The following AGAP1 variants were observed in gnomAD, a reference collection of about 807,000 sequenced individuals.
AGAP1 encodes the protein arf-GAP with GTPase, ANK repeat and PH domain-containing protein 1.
Under a neutral mutation model 105.3 loss-of-function variants are expected in AGAP1, and 29 were observed. The ratio of observed to expected loss-of-function variants is 0.28; its 90% CI spans 0.21 to 0.38. AGAP1 has a LOEUF of 0.38. Among genes scored for constraint, AGAP1 ranks in the 10% least tolerant of loss-of-function variants. The probability of loss-of-function intolerance (pLI) is 1.00; values close to 1 mark genes in which losing one functional copy is unlikely to be tolerated. For missense variants in AGAP1, 998 were observed against 1,165.1 expected (o/e 0.86, Z 2.09); for synonymous variants, 509 against 485.9 (o/e 1.05, Z -0.63).
chr2:236,051,598 C>T lies in AGAP1; in HGVS notation c.2114+2317C>T, dbSNP rs1054246512. Reference sequence around the variant, plus strand: ...CTGTCGGCGAGTACAGCACCGTGGACGGGAGCCTCCCATGAATGAGGAGGA... The same window carrying T: ...CTGTCGGCGAGTACAGCACCGTGGATGGGAGCCTCCCATGAATGAGGAGGA... On this transcript the variant is annotated intron_variant, in intron 16 of 17. Transcript: ENST00000304032. The surrounding 1 kb of genome is among the most constrained non-coding windows in gnomAD (Gnocchi z 5.9). 1.3e-5 allele frequency among the ~76,000 whole-genome samples: 2 copies of T among 151,906 alleles called. No individual in the cohort carries two copies. Among genetic ancestry groups the T allele is most frequent in the Admixed American group, 6.6e-5 (1 of 15,260 alleles).
At chr2:235,533,899 C>T (rs1943124857) in intron 1 of AGAP1, among the ~76,000 whole-genome samples, 1 of 152,232 alleles carries the variant, frequency 6.6e-6, no homozygotes, top group South Asian at 2.1e-4. Context: ...TGGACAAGCG[C>T]TTGCTGCTTA....
rs1204810218 is a variant in AGAP1, at chr2:235,564,761, TG to T, written c.163+69913del. On this transcript the variant is annotated intron_variant, in intron 1 of 17. Coordinates refer to ENST00000304032, the MANE Select transcript of AGAP1 (RefSeq NM_001037131.3). ...CTGGACCAGCACCCAGGGCCAGGTG[TG>T]AGCCTGGACCAGCACCCACGGCCAG... Among the ~76,000 whole-genome samples, 1,000 of 140,348 alleles carry T rather than the reference TG, an allele frequency of 7.1e-3. 52 individuals carry two copies. Among genetic ancestry groups the T allele is most frequent in the African/African-American group, 0.026 (940 of 36,034 alleles). The allele number at this position is 140,348 out of a possible 152,430, so 92.1% of individuals were successfully genotyped here.
intron 6 of AGAP1, among the ~76,000 whole-genome samples, chr2:235,784,307 A>G (rs577920043): frequency 3.3e-5 from 5 of 152,206 alleles, no homozygotes; most frequent in African/African-American, 9.6e-5. Context: ...AAAGGCATAC[A>G]TGATTCTTTG....
intron 1 of AGAP1, among the ~76,000 whole-genome samples, chr2:235,653,819 G>A (rs1294446031): frequency 6.6e-6 from 1 of 152,210 alleles, no homozygotes; most frequent in Non-Finnish European, 1.5e-5. Context: ...CACTTTGGAT[G>A]GCCGAGGCAG....
intron 12 of AGAP1, among the ~76,000 whole-genome samples, chr2:235,948,777 A>G (rs373465237): frequency 6.6e-6 from 1 of 152,102 alleles, no homozygotes; most frequent in Admixed American, 6.5e-5. Flanking sequence ...TGAGAATGCT[A>G]GGATCCTGGC....
Position 235,919,709 on chromosome 2 carries a change from AAC to A in AGAP1, c.1324+10818_1324+10819del, listed in dbSNP as rs374754076. ...AAATGAAAATGAATTTCATGTTAAA[AAC>A]ACACACACACACACCTGTTGCATTT... On this transcript the variant is annotated intron_variant, in intron 11 of 17. Coordinates refer to ENST00000304032, the MANE Select transcript of AGAP1 (RefSeq NM_001037131.3). This position sits in a 1 kb window ranked among gnomAD's most constrained non-coding sequence, Gnocchi z 4.1. Among the ~76,000 whole-genome samples the A allele has an allele frequency of 6.6e-6, 1 of 151,896 alleles. No individual in the cohort carries two copies. The highest frequency in any genetic ancestry group is 1.9e-4 in the East Asian group (1 of 5,188).
intron 1 of AGAP1, among the ~76,000 whole-genome samples, chr2:235,509,260 T>C (rs1350845708): frequency 6.6e-6 from 1 of 152,212 alleles, no homozygotes. Context: ...GGAGTCTGGC[T>C]CTGTCACCCA....
In AGAP1 at chr2:235,659,516, C is replaced by CAA. The variant is rs1365547380; in HGVS notation, c.164-49662_164-49661insAA. On this transcript the variant is annotated intron_variant, in intron 1 of 17. Coordinates refer to ENST00000304032, the MANE Select transcript of AGAP1 (RefSeq NM_001037131.3). This position sits in a 1 kb window ranked among gnomAD's most constrained non-coding sequence, Gnocchi z 5.0. ...TGGCAGTCAGGGTGCTATATGAACA[C>CAA]ATGTTTTGTGGGTCACTTGCCAGGC... is the stretch of plus-strand genomic sequence containing the variant. Among the ~76,000 whole-genome samples, 1 of 152,162 alleles carries CAA rather than the reference C, an allele frequency of 6.6e-6. No individual in the cohort carries two copies. Among genetic ancestry groups the CAA allele is most frequent in the African/African-American group, 2.4e-5 (1 of 41,430 alleles).
intron 13 of AGAP1, among the ~76,000 whole-genome samples, chr2:235,986,386 T>C (rs907062654): frequency 6.6e-6 from 1 of 152,092 alleles, no homozygotes; most frequent in African/African-American, 2.4e-5. Flanking sequence ...GATGATGGGG[T>C]TTTCTCAATA....
chr2:236,107,357 T>C (rs2059524990), intron 16 of AGAP1, among the ~76,000 whole-genome samples: 1 of 152,212 alleles, frequency 6.6e-6, no homozygotes, highest in African/African-American at 2.4e-5. Context: ...CTGGGTTCAC[T>C]AGCTAGCCTC....
At chr2:236,052,386 A>G (rs529800469) in intron 16 of AGAP1, among the ~76,000 whole-genome samples, 6 of 152,078 alleles carry the variant, frequency 3.9e-5, no homozygotes, top group Non-Finnish European at 8.8e-5. Context: ...TCTTCCTCCA[A>G]AGAGACCGCC....
intron 9 of AGAP1, among the ~76,000 whole-genome samples, chr2:235,873,144 G>T (rs1294895615): frequency 6.6e-6 from 1 of 152,236 alleles, no homozygotes; most frequent in Non-Finnish European, 1.5e-5. Context: ...AAACATTTTT[G>T]TAGCAGATTC....
intron 16 of AGAP1, among the ~76,000 whole-genome samples, chr2:236,079,806 T>C (rs943565987): frequency 3.3e-5 from 5 of 152,154 alleles, no homozygotes; most frequent in African/African-American, 1.2e-4. Context: ...CCCAATATGC[T>C]AACATGTATT....
At position 235,681,164 on chromosome 2, in the gene AGAP1, A is replaced by G. The variant is rs544705331; in HGVS notation, c.164-28015A>G. Among the ~76,000 whole-genome samples, 10 of 152,186 alleles carry G rather than the reference A, an allele frequency of 6.6e-5. No homozygotes were observed. In the South Asian group the frequency reaches 2.1e-3, roughly 32 times the overall value. On this transcript the variant is annotated intron_variant, in intron 1 of 17. Coordinates refer to ENST00000304032, the MANE Select transcript of AGAP1 (RefSeq NM_001037131.3). The stretch of plus-strand genomic sequence containing the variant: ...GCTGGGAATACAGGTGCCCACCACC[A>G]TGCCCAGCTAATTTTTTTGTATTTT...
At position 235,919,928 on chromosome 2, in the gene AGAP1, C is replaced by A. The variant is rs773667228; in HGVS notation, c.1325-10837C>A. 2.6e-5 allele frequency among the ~76,000 whole-genome samples: 4 copies of A among 152,180 alleles called. No individual in the cohort carries two copies. Among genetic ancestry groups the A allele is most frequent in the Admixed American group, 2.6e-4 (4 of 15,284 alleles). ...GTGGCCAAGACAAGCCGTACGATGG[C>A]GCTCTCCATAAACACTGTCGGAATC... On this transcript the variant is annotated intron_variant, in intron 11 of 17. Transcript: ENST00000304032. This position sits in a 1 kb window ranked among gnomAD's most constrained non-coding sequence, Gnocchi z 4.1.
At chr2:235,580,480 G>T (rs1461517153) in intron 1 of AGAP1, among the ~76,000 whole-genome samples, 1 of 152,000 alleles carries the variant, frequency 6.6e-6, no homozygotes, top group Non-Finnish European at 1.5e-5. Context: ...GTTGGGGAGG[G>T]TGCGCTTTCT....
At chr2:236,048,689 A>T (rs2057801374) in intron 15 of AGAP1, among the ~76,000 whole-genome samples, 1 of 152,236 alleles carries the variant, frequency 6.6e-6, no homozygotes, top group Non-Finnish European at 1.5e-5. Context: ...TCTCAGCAGC[A>T]GCTGTCCACA....
In AGAP1 at chr2:235,792,169, C is replaced by T. The variant is rs577308764; in HGVS notation, c.674-5590C>T. Among the ~76,000 whole-genome samples the T allele has an allele frequency of 2.0e-5, 3 of 152,294 alleles. No individual in the cohort carries two copies. Among genetic ancestry groups the T allele is most frequent in the South Asian group, 2.1e-4 (1 of 4,818 alleles). On this transcript the variant is annotated intron_variant, in intron 6 of 17. Coordinates refer to ENST00000304032, the MANE Select transcript of AGAP1 (RefSeq NM_001037131.3). The surrounding 1 kb of genome is among the most constrained non-coding windows in gnomAD (Gnocchi z 5.3). ...GTAGCAGAGGAACCCTCTTCCCAAA[C>T]GTGGGCTTGATTTACACCGAGTCAT... is the stretch of plus-strand genomic sequence containing the variant.
chr2:235,828,487 T>TA (rs1559535845), intron 9 of AGAP1, among the ~76,000 whole-genome samples: 2 of 152,132 alleles, frequency 1.3e-5, no homozygotes, highest in Non-Finnish European at 2.9e-5. Context: ...AACTAACACT[T>TA]ATGCATTGTA....
Sources: gnomAD v4.1 joint callset for allele counts (sites outside exome capture counted in the v4.1 genomes callset) on GRCh38, gnomAD v4.1.1 for gene constraint, Gnocchi (gnomAD v3.1) non-coding constraint, MANE v1.5 for transcripts, NCBI Gene and HGNC (gene_info 2026-07-23, HGNC 2026-07-21) for gene names.